The following UBE3C variants were observed in gnomAD, a reference collection of about 807,000 sequenced individuals.
The protein encoded by UBE3C is ubiquitin protein ligase E3C.
Under a neutral mutation model 129.4 loss-of-function variants are expected in UBE3C, and 42 were observed. The ratio of observed to expected loss-of-function variants is 0.32; its 90% CI spans 0.25 to 0.42. The LOEUF (loss-of-function observed/expected upper bound fraction) is 0.42, where lower values mean the gene tolerates loss of function less well. UBE3C is among the 10% of genes least tolerant of loss of function. The probability of loss-of-function intolerance (pLI) is 1.00; values close to 1 mark genes in which losing one functional copy is unlikely to be tolerated. For missense variants in UBE3C, 1,049 were observed against 1,319.1 expected (o/e 0.80, Z 3.17); for synonymous variants, 510 against 492.4 (o/e 1.04, Z -0.47).
intron 10 of UBE3C, chr7:157,197,756 C>T: frequency 1.2e-6 from 2 of 1,612,426 alleles, no homozygotes; most frequent in Non-Finnish European, 8.5e-7. Context: ...TCCGGACATC[C>T]AGGATCCTGT....
chr7:157,236,030 G>A (rs1450519690), intron 18 of UBE3C, among the ~76,000 whole-genome samples: 1 of 152,212 alleles, frequency 6.6e-6, no homozygotes, highest in Non-Finnish European at 1.5e-5. Flanking sequence ...GTTAGTGATT[G>A]TTTACTGTGA....
intron 11 of UBE3C, among the ~76,000 whole-genome samples, chr7:157,204,850 C>T (rs993019648): frequency 2.6e-5 from 4 of 152,198 alleles, no homozygotes; most frequent in African/African-American, 9.6e-5. Context: ...CAGTAGTATT[C>T]TGAAAACCTG....
intron 1 of UBE3C, among the ~76,000 whole-genome samples, chr7:157,149,837 T>C: frequency 6.6e-6 from 1 of 152,210 alleles, no homozygotes; most frequent in East Asian, 1.9e-4. Flanking sequence ...TGGGGCATCT[T>C]ATTCTTTGAC....
chr7:157,139,403 A>ACTCGGGGTTGGG (rs1461242309), intron 1 of UBE3C, 65 bp downstream of exon 1: 8 of 1,432,016 alleles, frequency 5.6e-6, no homozygotes, highest in Non-Finnish European at 6.4e-6. Context: ...CGGGGCTGGG[A>ACTCGGGGTTGGG]CTCGGGGCTG....
intron 1 of UBE3C, among the ~76,000 whole-genome samples, chr7:157,151,849 G>A (rs912003657): frequency 2.0e-5 from 3 of 152,128 alleles, no homozygotes; most frequent in Admixed American, 2.0e-4. Flanking sequence ...ATCATGACAG[G>A]GAGGAGAGGT....
At chr7:157,221,885 T>C (rs918631882) in intron 15 of UBE3C, 2 of 152,246 alleles carry the variant, frequency 1.3e-5, no homozygotes, top group African/African-American at 4.8e-5. Flanking sequence ...TTTTTGTTTT[T>C]TTGGAGACAG....
chr7:157,168,603 TCTTA>T (rs1281646550), intron 2 of UBE3C, among the ~76,000 whole-genome samples: 2 of 152,252 alleles, frequency 1.3e-5, no homozygotes, highest in Admixed American at 6.5e-5. Flanking sequence ...GGAACATTAC[TCTTA>T]CTTAGCCTTA....
chr7:157,223,403 A>G (rs1379135075), intron 16 of UBE3C, 52 bp downstream of exon 16: 3 of 1,452,146 alleles, frequency 2.1e-6, no homozygotes, highest in Non-Finnish European at 2.8e-6. Context: ...AGTGTTAAGA[A>G]ATTAACACAC....
chr7:157,254,830 A>G (rs1387228507), intron 21 of UBE3C, among the ~76,000 whole-genome samples: 1 of 152,120 alleles, frequency 6.6e-6, no homozygotes, highest in African/African-American at 2.4e-5. Context: ...ACTTGAGCTC[A>G]GGAGTTTGAA....
At chr7:157,171,680 ATATATATTTTTTTTTTTTTT>A (rs1808373859) in intron 4 of UBE3C, among the ~76,000 whole-genome samples, 15 of 32,816 alleles carry the variant, frequency 4.6e-4, no homozygotes, top group East Asian at 1.5e-3. Flanking sequence ...ATATATATAT[ATATATATTTTTTTTTTTTTT>A]TTTTTTTTTT....
At chr7:157,264,784 T>C (rs1797033055) in intron 22 of UBE3C, among the ~76,000 whole-genome samples, 1 of 152,216 alleles carries the variant, frequency 6.6e-6, no homozygotes, top group African/African-American at 2.4e-5. Context: ...TTGGTCAGGC[T>C]GGTCTCAGAA....
At chr7:157,203,230 G>T (rs1222899596) in intron 11 of UBE3C, among the ~76,000 whole-genome samples, 1 of 152,142 alleles carries the variant, frequency 6.6e-6, no homozygotes, top group African/African-American at 2.4e-5. Context: ...GGAAAGGGGA[G>T]TTTTACTGCT....
chr7:157,211,820 G>A (rs540339011), intron 13 of UBE3C, among the ~76,000 whole-genome samples: 31 of 152,270 alleles, frequency 2.0e-4, no homozygotes, highest in African/African-American at 6.3e-4. Flanking sequence ...AATTCACACA[G>A]GGTGCCTGTT....
intron 1 of UBE3C, among the ~76,000 whole-genome samples, chr7:157,141,485 G>T (rs946080272): frequency 6.6e-6 from 1 of 152,184 alleles, no homozygotes; most frequent in African/African-American, 2.4e-5. Flanking sequence ...TAGCTGCTTG[G>T]TACAGCCCGT....
intron 18 of UBE3C, among the ~76,000 whole-genome samples, chr7:157,238,095 A>G (rs1263472687): frequency 2.0e-5 from 3 of 152,208 alleles, no homozygotes; most frequent in Non-Finnish European, 2.9e-5. Context: ...AAACATTTAA[A>G]TATTCAATTT....
chr7:157,226,230 ATTGCAATC>A (rs1452313896), intron 17 of UBE3C, among the ~76,000 whole-genome samples: 1 of 152,138 alleles, frequency 6.6e-6, no homozygotes, highest in Non-Finnish European at 1.5e-5. Context: ...AATAAGTGCC[ATTGCAATC>A]CAAGTTTCTT....
intron 19 of UBE3C, among the ~76,000 whole-genome samples, chr7:157,252,030 G>C (rs1384510624): frequency 2.0e-5 from 3 of 152,096 alleles, no homozygotes; most frequent in Admixed American, 6.6e-5. Context: ...CAGCTACTCG[G>C]GAGGCTGAAG....
intron 1 of UBE3C, among the ~76,000 whole-genome samples, chr7:157,143,026 T>C (rs1807500610): frequency 6.6e-6 from 1 of 151,774 alleles, no homozygotes; most frequent in South Asian, 2.1e-4. Context: ...CACCACCACG[T>C]CTGGCTAATT....
At chr7:157,167,978 T>C (rs982240625) in intron 2 of UBE3C, among the ~76,000 whole-genome samples, 1 of 152,208 alleles carries the variant, frequency 6.6e-6, no homozygotes, top group Non-Finnish European at 1.5e-5. Context: ...AAATTGGAAT[T>C]TTCTCTTGAA....
Sources: gnomAD v4.1 joint callset for allele counts (sites outside exome capture counted in the v4.1 genomes callset) on GRCh38, gnomAD v4.1.1 for gene constraint, MANE v1.5 for transcripts, NCBI Gene and HGNC (gene_info 2026-07-23, HGNC 2026-07-21) for gene names.